Variants in REXO1 observed in about 807,000 individuals in gnomAD.
The protein encoded by REXO1 is RNA exonuclease 1 homolog.
In REXO1, 42 loss-of-function variants were observed where a neutral mutation model predicts 102.6. The ratio of observed to expected loss-of-function variants is 0.41; its 90% CI spans 0.32 to 0.53. The LOEUF is 0.53. REXO1 is among the 20% of genes least tolerant of loss of function. REXO1 has a pLI of 0.27. For synonymous variants in REXO1, 908 were observed against 779.1 expected (o/e 1.17, Z -2.76); for missense variants, 1,819 against 1,732.5 (o/e 1.05, Z -0.89).
At position 1,815,683 on chromosome 19, in the gene REXO1, A is replaced by G; in HGVS notation, c.*383T>C. The G allele has an allele frequency of 1.5e-6, 2 of 1,311,898 alleles. No homozygotes were observed. Among genetic ancestry groups the G allele is most frequent in the East Asian group, 3.5e-5 (1 of 28,966 alleles). 81.3% of individuals were successfully genotyped at this position (1,311,898 alleles called of 1,614,324 possible). ...TACAAAATAAAAAAAGACTGTCTCA[A>G]ACAAACCTGGGACAAGCCCGCCCCG... On this transcript the variant is annotated 3_prime_UTR_variant, in exon 16 of 16. Coordinates refer to ENST00000170168, the MANE Select transcript of REXO1 (RefSeq NM_020695.4). This position sits in a 1 kb window ranked among gnomAD's most constrained non-coding sequence, Gnocchi z 4.0.
chr19:1,828,809 C>A (rs890529996), intron 1 of REXO1, among the ~76,000 whole-genome samples, 178 bp from the exon 2 acceptor site: 1 of 152,270 alleles, frequency 6.6e-6, no homozygotes, highest in Non-Finnish European at 1.5e-5. Context: ...GGCGCCATCT[C>A]AGGCCCTGTG....
In REXO1 at chr19:1,848,422, C is replaced by T. The variant is rs2011664365; in HGVS notation, c.-64G>A. 3 of 1,111,672 alleles carry T rather than the reference C, an allele frequency of 2.7e-6. No homozygotes were observed. The highest frequency in any genetic ancestry group is 8.6e-5 in the South Asian group (2 of 23,136). 68.9% of individuals were successfully genotyped at this position (1,111,672 alleles called of 1,614,324 possible). On this transcript the variant is annotated 5_prime_UTR_variant, in exon 1 of 16. Transcript: ENST00000170168. ...GGGCCCCAGGGCCCCCTCACTGGCG[C>T]CGCGGTCGCCGCCGCCCGCGCCTCA... is the stretch of plus-strand genomic sequence containing the variant.
chr19:1,845,981 T>C (rs936355167), intron 1 of REXO1, among the ~76,000 whole-genome samples: 6 of 152,158 alleles, frequency 3.9e-5, no homozygotes, highest in Middle Eastern at 3.2e-3. Flanking sequence ...CGGCAGCAAA[T>C]AGCTCACAGG....
At chr19:1,834,836 CTG>C (rs1156733157) in intron 1 of REXO1, 8 of 237,512 alleles carry the variant, frequency 3.4e-5, no homozygotes, top group Middle Eastern at 4.6e-4. Flanking sequence ...TCCACAAAGA[CTG>C]CACCAAAAAG....
rs2069779032 is a variant in REXO1 at position 1,827,703 on chromosome 19, G to A, written c.1086C>T (p.Val362=). ...PPAKPASPAQ[V]QSSQDGGCPK... ...GGCAGCCCCCATCCTGTGAGGACTG[G>A]ACCTGGGCTGGGGAGGCGGGCTTGG... The change falls in exon 2 of 16, where the codon GTC becomes GTT. Residue 362 remains valine (V), a synonymous_variant. Transcript: ENST00000170168. 2.5e-6 allele frequency: 4 copies of A among 1,570,930 alleles called. No individual in the cohort carries two copies. Among genetic ancestry groups the A allele is most frequent in the Non-Finnish European group, 3.4e-6 (4 of 1,170,620 alleles).
At chr19:1,834,130 A>T (rs907014581) in intron 1 of REXO1, among the ~76,000 whole-genome samples, 2 of 152,134 alleles carry the variant, frequency 1.3e-5, no homozygotes, top group African/African-American at 4.8e-5. Context: ...GCTCTAAGAC[A>T]CAGCCTGCAA....
rs1013047400 is a variant in REXO1, at chr19:1,826,242, G to A, written c.1912-299C>T. Among the ~76,000 whole-genome samples the A allele has an allele frequency of 3.3e-5, 5 of 152,150 alleles. No individual in the cohort carries two copies. The highest frequency in any genetic ancestry group is 7.3e-5 in the Non-Finnish European group (5 of 68,030). On this transcript the variant is annotated intron_variant, in intron 2 of 15. Coordinates refer to ENST00000170168, the MANE Select transcript of REXO1 (RefSeq NM_020695.4). The surrounding 1 kb of genome is among the most constrained non-coding windows in gnomAD (Gnocchi z 4.3). ...TGGGAAAGCGAGGCCACCTTGGGCC[G>A]AACCAGCTGCTGCGGGCTGAGCACT...
In REXO1 at chr19:1,820,183, G is replaced by A. The variant is rs537736083; in HGVS notation, c.2526+81C>T. On this transcript the variant is annotated intron_variant, in intron 6 of 15. Coordinates refer to ENST00000170168, the MANE Select transcript of REXO1 (RefSeq NM_020695.4). ...GCAGCTCCGGGTCACAGCTGCGGCT[G>A]AGAGGCCGGGGGATGTCTGGGGACC... 251 of 1,560,306 alleles carry A rather than the reference G, an allele frequency of 1.6e-4. 1 individual carries two copies. The East Asian group carries it at 5.1e-3, about 32-fold the overall frequency.
intron 1 of REXO1, chr19:1,830,678 G>T: frequency 1.4e-5 from 3 of 220,920 alleles, no homozygotes; most frequent in South Asian, 1.2e-4. Flanking sequence ...GGCAAATGGG[G>T]CTCTAGATGG....
chr19:1,827,516 G>A lies in REXO1; in HGVS notation c.1273C>T (p.Arg425Cys), dbSNP rs1324490183. 15 of 1,582,658 alleles carry A rather than the reference G, an allele frequency of 9.5e-6. No homozygotes were observed. Among genetic ancestry groups the A allele is most frequent in the East Asian group, 4.5e-5 (2 of 44,584 alleles). Residue 425 changes from arginine to cysteine, a missense_variant, in exon 2 of 16, where the codon CGC becomes TGC. Physicochemically the swap from Arg to Cys is radical, Grantham distance 180 (BLOSUM62 -3). Coordinates refer to ENST00000170168, the MANE Select transcript of REXO1 (RefSeq NM_020695.4). ...GTCCCTTCCGGCCGCTCTGCCTTGC[G>A]CCGGGGGCTGCTGGCCTGCGGGCCC... ...KKGPQASSPR[R>C]KAERPEGTKK...
At chr19:1,847,906 G>A (rs749041231) in intron 1 of REXO1, among the ~76,000 whole-genome samples, 4 of 152,178 alleles carry the variant, frequency 2.6e-5, no homozygotes, top group Middle Eastern at 3.2e-3. Context: ...GCCCCCTTGT[G>A]TCAGGCCCGG....
intron 4 of REXO1, chr19:1,822,139 G>T (rs754255795): frequency 7.5e-5 from 29 of 387,474 alleles, no homozygotes; most frequent in Non-Finnish European, 1.3e-4. Context: ...GGGCTGCTTC[G>T]GAGGGCTGGC....
At chr19:1,840,975 G>A (rs1006567874) in intron 1 of REXO1, among the ~76,000 whole-genome samples, 7 of 152,310 alleles carry the variant, frequency 4.6e-5, no homozygotes, top group Admixed American at 3.9e-4. Context: ...CCAGAACCCC[G>A]GGCTCCAGGC....
At chr19:1,836,607 G>A (rs1286884014) in intron 1 of REXO1, among the ~76,000 whole-genome samples, 6 of 152,114 alleles carry the variant, frequency 3.9e-5, no homozygotes, top group Admixed American at 1.3e-4. Context: ...TTAGCCGGGC[G>A]TGGCGGCAGG....
intron 1 of REXO1, among the ~76,000 whole-genome samples, chr19:1,835,186 G>A (rs972400870): frequency 1.3e-5 from 2 of 152,134 alleles, no homozygotes; most frequent in African/African-American, 4.8e-5. Flanking sequence ...GACTGGAAAG[G>A]CCCCAGGGTG....
intron 5 of REXO1, 124 bp downstream of exon 5, chr19:1,821,395 C>T (rs913491662): frequency 1.3e-5 from 13 of 1,034,876 alleles, no homozygotes; most frequent in East Asian, 2.4e-5. Context: ...GAAGGCTGTA[C>T]TGCGGTGTGG....
At chr19:1,824,132 G>A (rs2069635994) in intron 3 of REXO1, 2 of 226,362 alleles carry the variant, frequency 8.8e-6, no homozygotes, top group Non-Finnish European at 1.7e-5. Flanking sequence ...GAGGCTCTGG[G>A]ACTGGAGCAA....
chr19:1,823,536 G>A lies in REXO1; in HGVS notation c.2230+36C>T, dbSNP rs118047467. 3,433 of 1,268,556 alleles carry A rather than the reference G, an allele frequency of 2.7e-3. 117 individuals are homozygous for A. In the East Asian group the frequency reaches 0.075, roughly 28 times the overall value. 78.6% of individuals were successfully genotyped at this position (1,268,556 alleles called of 1,614,324 possible). ...CCACCTCTCCTGCCCACATGCCCAC[G>A]GCCCCCCGGCACAGGCCCCCTGGGC... On this transcript the variant is annotated intron_variant, in intron 4 of 15. Transcript: ENST00000170168.
At chr19:1,831,189 G>A (rs1010557126) in intron 1 of REXO1, among the ~76,000 whole-genome samples, 9 of 152,168 alleles carry the variant, frequency 5.9e-5, no homozygotes, top group Admixed American at 1.3e-4. Context: ...ACACATCCCC[G>A]ACAGGCTGAT....
Sources: gnomAD v4.1 joint callset for allele counts (sites outside exome capture counted in the v4.1 genomes callset) on GRCh38, gnomAD v4.1.1 for gene constraint, Gnocchi (gnomAD v3.1) non-coding constraint, MANE v1.5 for transcripts, NCBI Gene and HGNC (gene_info 2026-07-23, HGNC 2026-07-21) for gene names.